The following FAM135A variants were observed in gnomAD, a reference collection of about 807,000 sequenced individuals.
FAM135A encodes family with sequence similarity 135 member A.
Under a neutral mutation model 146.8 loss-of-function variants are expected in FAM135A, and 79 were observed. That is an observed-to-expected ratio of 0.54 (90% CI 0.45 to 0.65). The LOEUF (loss-of-function observed/expected upper bound fraction) is 0.65, where lower values mean the gene tolerates loss of function less well. Among genes scored for constraint, FAM135A ranks in the 30% least tolerant of loss-of-function variants. The pLI is 0.00. For missense variants in FAM135A, 1,623 were observed against 1,758.2 expected, an observed-to-expected ratio of 0.92 and a Z score of 1.38; for synonymous variants, 562 against 603.6, an observed-to-expected ratio of 0.93 and a Z score of 1.01.
chr6:70,480,243 TG>T (rs113701337), intron 8 of FAM135A, among the ~76,000 whole-genome samples: 366 of 152,236 alleles, frequency 2.4e-3, no homozygotes, highest in African/African-American at 8.2e-3. Context: ...AGCTGGAGGC[TG>T]GAGGATTGCT....
intron 18 of FAM135A, 149 bp from the exon 19 acceptor site, chr6:70,536,108 TGTG>T: frequency 1.6e-6 from 1 of 606,572 alleles, no homozygotes; most frequent in Non-Finnish European, 2.7e-6. Context: ...TCCTTCAAAA[TGTG>T]GTATATCATT....
At chr6:70,516,178 G>T (rs1792163844) in intron 12 of FAM135A, among the ~76,000 whole-genome samples, 2 of 152,124 alleles carry the variant, frequency 1.3e-5, no homozygotes, top group Admixed American at 1.3e-4. Context: ...GAAGTTTTCA[G>T]CCCCGGCTGT....
At chr6:70,469,106 T>C (rs1781073785) in intron 5 of FAM135A, among the ~76,000 whole-genome samples, 1 of 152,230 alleles carries the variant, frequency 6.6e-6, no homozygotes, top group Non-Finnish European at 1.5e-5. Context: ...TATTCTATCA[T>C]TTACTTACTA....
chr6:70,477,395 A>G lies in FAM135A; in HGVS notation c.542+63A>G, dbSNP rs1582410806. 3.3e-6 allele frequency: 5 copies of G among 1,504,156 alleles called. No individual in the cohort carries two copies. In the East Asian group the frequency reaches 9.3e-5, roughly 28 times the overall value. 93.2% of individuals were successfully genotyped at this position (1,504,156 alleles called of 1,614,324 possible). On this transcript the variant is annotated intron_variant, in intron 8 of 21. Coordinates refer to ENST00000418814, the MANE Select transcript of FAM135A (RefSeq NM_001162529.3). ...ACACTGCAATAAAGAAATACCTGAGACTGGTCAATTTATAAATAAAAGAGG... is the reference window on the plus strand; with the variant it reads ...ACACTGCAATAAAGAAATACCTGAGGCTGGTCAATTTATAAATAAAAGAGG...
intron 12 of FAM135A, among the ~76,000 whole-genome samples, chr6:70,506,131 C>T (rs186166702): frequency 6.6e-6 from 1 of 152,162 alleles, no homozygotes; most frequent in East Asian, 1.9e-4. Flanking sequence ...GTAATAGTAT[C>T]AGAAAGGTAG....
At chr6:70,537,922 A>C (rs1347726919) in intron 19 of FAM135A, among the ~76,000 whole-genome samples, 2 of 152,200 alleles carry the variant, frequency 1.3e-5, no homozygotes, top group African/African-American at 4.8e-5. Flanking sequence ...CATTCTGCAT[A>C]GGCATTTGAC....
intron 5 of FAM135A, among the ~76,000 whole-genome samples, chr6:70,452,778 C>G (rs921901804): frequency 2.0e-5 from 3 of 152,062 alleles, no homozygotes; most frequent in African/African-American, 7.2e-5. Context: ...ATGAGCACAT[C>G]AAAGAATGTA....
intron 5 of FAM135A, among the ~76,000 whole-genome samples, chr6:70,462,658 A>C (rs2128103583): frequency 6.6e-6 from 1 of 151,536 alleles, no homozygotes; most frequent in Middle Eastern, 3.4e-3. Flanking sequence ...TTGGTATTTG[A>C]CCAGGTTTTT....
At chr6:70,467,405 C>G (rs938046648) in intron 5 of FAM135A, among the ~76,000 whole-genome samples, 1 of 151,568 alleles carries the variant, frequency 6.6e-6, no homozygotes, top group African/African-American at 2.4e-5. Flanking sequence ...AACTGGGGTT[C>G]TGATGGCACA....
At chr6:70,447,773 CT>C (rs1776113984) in intron 4 of FAM135A, among the ~76,000 whole-genome samples, 1 of 152,180 alleles carries the variant, frequency 6.6e-6, no homozygotes, top group African/African-American at 2.4e-5. Context: ...CTTTTTTCCC[CT>C]ATCTGGCAGC....
At chr6:70,539,797 C>A (rs62421874) in intron 20 of FAM135A, among the ~76,000 whole-genome samples, 21,216 of 152,042 alleles carry the variant, frequency 0.14, 1,895 homozygotes, top group Middle Eastern at 0.22. Context: ...AGATCGAGAC[C>A]ATCCTGGCTA....
chr6:70,430,049 G>A (rs898295038), intron 4 of FAM135A, among the ~76,000 whole-genome samples: 2 of 152,080 alleles, frequency 1.3e-5, no homozygotes, highest in Admixed American at 1.3e-4. Flanking sequence ...GAGATAGAGA[G>A]CAGAAGGCCG....
chr6:70,535,089 A>G (rs1334853582), intron 18 of FAM135A, among the ~76,000 whole-genome samples: 1 of 152,140 alleles, frequency 6.6e-6, no homozygotes, highest in Non-Finnish European at 1.5e-5. Flanking sequence ...TTCAGGTTAG[A>G]TTGTCAGTTA....
chr6:70,544,841 A>G (rs1798565172), intron 20 of FAM135A, among the ~76,000 whole-genome samples: 2 of 152,068 alleles, frequency 1.3e-5, no homozygotes, highest in Non-Finnish European at 2.9e-5. Context: ...ACCTGAGGAA[A>G]GGAGTTCGAG....
chr6:70,423,566 C>T lies in FAM135A; in HGVS notation c.-133-2873C>T, dbSNP rs150022228. ...TTCCAGCCTGTAAGAAAAAGGGAAG[C>T]AGATGAAGTCCAGAGCAAAGAATTT... On this transcript the variant is annotated intron_variant, in intron 2 of 21. Transcript: ENST00000418814. Among the ~76,000 whole-genome samples, 108 of 152,290 alleles carry T rather than the reference C, an allele frequency of 7.1e-4. 1 individual carries two copies. The East Asian group carries it at 0.019, about 27-fold the overall frequency.
At chr6:70,440,353 T>A (rs765779944) in intron 4 of FAM135A, among the ~76,000 whole-genome samples, 2 of 152,162 alleles carry the variant, frequency 1.3e-5, no homozygotes. Flanking sequence ...CCATTGATGA[T>A]CTTTACCCAG....
intron 10 of FAM135A, among the ~76,000 whole-genome samples, chr6:70,488,094 G>C (rs1042125643): frequency 6.6e-6 from 1 of 152,054 alleles, no homozygotes; most frequent in Non-Finnish European, 1.5e-5. Context: ...CTGTATCATA[G>C]AAATAGCATA....
At chr6:70,507,489 G>T (rs1336031851) in intron 12 of FAM135A, among the ~76,000 whole-genome samples, 1 of 152,100 alleles carries the variant, frequency 6.6e-6, no homozygotes, top group Non-Finnish European at 1.5e-5. Context: ...ATAAACCTCT[G>T]ATATGAAATC....
At position 70,526,431 on chromosome 6, in the gene FAM135A, A is replaced by G; in HGVS notation, c.3347A>G (p.Tyr1116Cys). Reference sequence around the variant, plus strand: ...TTGGATGGAACAATAAATGCTCACTATACAAGCAGAGATGAACTAATGGAA... The same window carrying G: ...TTGGATGGAACAATAAATGCTCACTGTACAAGCAGAGATGAACTAATGGAA... ...SALDGTINAH[Y>C]TSRDELMEER... Residue 1116 changes from tyrosine to cysteine, a missense_variant, in exon 15 of 22, where the codon TAT (tyrosine) becomes TGT (cysteine). Physicochemically the swap from Tyr to Cys is radical, Grantham distance 194 (BLOSUM62 -2). Around this residue, in one of 7 missense-constraint regions of FAM135A, gnomAD observed 1,061 missense variants for 1,113.8 expected, o/e 0.95. Coordinates refer to ENST00000418814, the MANE Select transcript of FAM135A (RefSeq NM_001162529.3). 3 of 1,613,666 alleles carry G rather than the reference A, an allele frequency of 1.9e-6. No homozygotes were observed. Among genetic ancestry groups the G allele is most frequent in the South Asian group, 2.2e-5 (2 of 91,068 alleles).
Sources: gnomAD v4.1 joint callset for allele counts (sites outside exome capture counted in the v4.1 genomes callset) on GRCh38, gnomAD v4.1.1 for gene constraint, gnomAD v4.1.1 regional missense constraint, MANE v1.5 for transcripts, NCBI Gene and HGNC (gene_info 2026-07-23, HGNC 2026-07-21) for gene names.